The following MELK variants were observed in gnomAD, a reference collection of about 807,000 sequenced individuals.
MELK encodes the protein pEg3 kinase.
Under a neutral mutation model 85.0 loss-of-function variants are expected in MELK, and 81 were observed. The observed-to-expected ratio is 0.95, with a 90% CI of 0.80 to 1.15. The LOEUF (loss-of-function observed/expected upper bound fraction) is 1.15, where lower values mean the gene tolerates loss of function less well. Ranked by LOEUF, MELK falls within the 50% of genes most tolerant of loss-of-function variation. MELK has a pLI of 0.00. For missense variants in MELK, 754 were observed against 777.5 expected (o/e 0.97, Z 0.36); for synonymous variants, 252 against 265.0 (o/e 0.95, Z 0.48).
At chr9:36,582,823 G>A (rs920769574) in intron 2 of MELK, among the ~76,000 whole-genome samples, 1 of 152,140 alleles carries the variant, frequency 6.6e-6, no homozygotes, top group Admixed American at 6.6e-5. Context: ...GGAAAATGGA[G>A]TTGCCCTTTG....
intron 3 of MELK, among the ~76,000 whole-genome samples, chr9:36,586,019 A>G (rs1006979208): frequency 6.6e-6 from 1 of 152,078 alleles, no homozygotes; most frequent in African/African-American, 2.4e-5. Context: ...TTAATTGTTA[A>G]AGATATAAGT....
chr9:36,626,935 G>A (rs1290736567), intron 8 of MELK, among the ~76,000 whole-genome samples: 2 of 149,262 alleles, frequency 1.3e-5, no homozygotes, highest in Admixed American at 1.3e-4. Flanking sequence ...TCCAGCCTGG[G>A]CAACAAGAGT....
intron 11 of MELK, among the ~76,000 whole-genome samples, chr9:36,646,113 A>G (rs1391377735): frequency 1.3e-5 from 2 of 152,168 alleles, no homozygotes; most frequent in African/African-American, 4.8e-5. Context: ...ACATCCTTCA[A>G]TGCACAGAAG....
intron 8 of MELK, among the ~76,000 whole-genome samples, chr9:36,619,231 A>G (rs752221330): frequency 7.2e-5 from 11 of 152,204 alleles, no homozygotes; most frequent in Non-Finnish European, 1.6e-4. Flanking sequence ...AAGTGCTGAG[A>G]TTACAGGCAT....
intron 8 of MELK, among the ~76,000 whole-genome samples, chr9:36,621,319 T>TAAAAAAAAAAAAAAAA (rs1827425454): frequency 1.6e-5 from 1 of 61,216 alleles, no homozygotes; most frequent in East Asian, 4.5e-4. Context: ...AAAAAAAAAC[T>TAAAAAAAAAAAAAAAA]TGAGTAGAAC....
intron 8 of MELK, 81 bp from the exon 9 acceptor site, chr9:36,630,218 A>G (rs984866584): frequency 5.1e-5 from 52 of 1,027,158 alleles, no homozygotes; most frequent in Non-Finnish European, 7.6e-5. Context: ...GCTTAAAAGT[A>G]AACCTCCAGC....
Position 36,677,604 on chromosome 9 carries a change from C to T in MELK, c.*267C>T, listed in dbSNP as rs571337216. The T allele has an allele frequency of 2.7e-4, 70 of 262,084 alleles. No individual in the cohort carries two copies. Among genetic ancestry groups the T allele is most frequent in the African/African-American group, 1.3e-3 (60 of 45,420 alleles). 16.2% of individuals were successfully genotyped at this position (262,084 alleles called of 1,614,324 possible). A position where few individuals can be genotyped will look rare whatever the true frequency, so the allele number is the denominator to read the frequency against. Reference sequence around the variant, plus strand: ...TTGTTGACTTTCTTAGATTCACTTCCATATGTGAATGTAAGCTCTTAACTA... The same window carrying T: ...TTGTTGACTTTCTTAGATTCACTTCTATATGTGAATGTAAGCTCTTAACTA... On this transcript the variant is annotated 3_prime_UTR_variant, in exon 18 of 18. Coordinates refer to ENST00000298048, the MANE Select transcript of MELK (RefSeq NM_014791.4).
intron 10 of MELK, among the ~76,000 whole-genome samples, chr9:36,642,694 G>A (rs1829867906): frequency 6.6e-6 from 1 of 152,042 alleles, no homozygotes. Flanking sequence ...CTCCCAAAAT[G>A]CTAGAATTAC....
At chr9:36,630,168 A>C in intron 8 of MELK, 131 bp from the exon 9 acceptor site, 1 of 726,080 alleles carries the variant, frequency 1.4e-6, no homozygotes, top group African/African-American at 1.8e-5. Context: ...TTTTTAGTTA[A>C]TAATGTTTAC....
intron 11 of MELK, among the ~76,000 whole-genome samples, chr9:36,645,141 C>T (rs978778934): frequency 6.6e-6 from 1 of 151,460 alleles, no homozygotes; most frequent in African/African-American, 2.4e-5. Context: ...GCCTGTAATC[C>T]CAGCTACTCG....
rs1294997195 is a variant in MELK, at chr9:36,617,193, G to A, written c.666+9520G>A. ...TTGGTTTATGCAACTACCAACAGTA[G>A]CATAATAATGCCAGTTTCTCCATAC... is the stretch of plus-strand genomic sequence containing the variant. On this transcript the variant is annotated intron_variant, in intron 8 of 17. Transcript: ENST00000298048. 2.0e-5 allele frequency among the ~76,000 whole-genome samples: 3 copies of A among 152,108 alleles called. No individual in the cohort carries two copies. In the South Asian group the frequency reaches 6.2e-4, roughly 31 times the overall value.
intron 14 of MELK, among the ~76,000 whole-genome samples, chr9:36,667,877 C>T (rs1832535348): frequency 6.6e-6 from 1 of 152,132 alleles, no homozygotes. Flanking sequence ...AAGAGATTCT[C>T]CTGCCTCAGC....
chr9:36,615,982 A>G (rs1340982173), intron 8 of MELK, among the ~76,000 whole-genome samples: 4 of 152,066 alleles, frequency 2.6e-5, no homozygotes, highest in African/African-American at 9.7e-5. Flanking sequence ...CAATCTCGGC[A>G]CTTTGGGAGG....
In MELK at chr9:36,671,054, G is replaced by T. The variant is rs1261115725; in HGVS notation, c.1562G>T (p.Arg521Ile). Residue 521 changes from arginine (R) to isoleucine (I), a missense_variant, in exon 16 of 18, where the codon AGA becomes ATA. Arg to Ile is a moderately conservative substitution (Grantham distance 97, BLOSUM62 -3). Transcript: ENST00000298048. ...NQAHMEETPK[R>I]KGAKVFGSLE... ...GCACATATGGAGGAGACTCCAAAAAGAAAGGGAGCCAAAGTGTTTGGGAGC... is the reference window on the plus strand; with the variant it reads ...GCACATATGGAGGAGACTCCAAAAATAAAGGGAGCCAAAGTGTTTGGGAGC... 6.2e-7 allele frequency: 1 copy of T among 1,613,536 alleles called. No individual in the cohort carries two copies. The highest frequency in any genetic ancestry group is 1.7e-5 in the Admixed American group (1 of 59,948).
At position 36,642,418 on chromosome 9, in the gene MELK, C is replaced by CTTTTTTT. The variant is rs34671966; in HGVS notation, c.835-557_835-551dup. Among the ~76,000 whole-genome samples, 3 of 84,774 alleles carry CTTTTTTT rather than the reference C, an allele frequency of 3.5e-5. 1 individual carries two copies. The highest frequency in any genetic ancestry group is 1.0e-4 in the African/African-American group (2 of 19,590). The allele number at this position is 84,774 out of a possible 152,430, so 55.6% of individuals were successfully genotyped here. A position where few individuals can be genotyped will look rare whatever the true frequency, so the allele number is the denominator to read the frequency against. On this transcript the variant is annotated intron_variant, in intron 10 of 17. Transcript: ENST00000298048. ...ACAGTCCCTGGGCTGTACAACAGAA[C>CTTTTTTT]TTTTTTTTTTTTTTTTTTTTTTTTT... is the stretch of plus-strand genomic sequence containing the variant.
In MELK at chr9:36,616,949, A is replaced by G. The variant is rs201364898; in HGVS notation, c.666+9276A>G. Among the ~76,000 whole-genome samples, 39 of 150,770 alleles carry G rather than the reference A, an allele frequency of 2.6e-4. 1 individual carries two copies. The East Asian group carries it at 3.9e-3, about 15-fold the overall frequency. Reference sequence around the variant, plus strand: ...TTCATACCCACCTCAGAGCCTCTTCATTCTTTTTATGACTGCATAGAATTG... The same window carrying G: ...TTCATACCCACCTCAGAGCCTCTTCGTTCTTTTTATGACTGCATAGAATTG... On this transcript the variant is annotated intron_variant, in intron 8 of 17. Transcript: ENST00000298048.
At chr9:36,600,915 A>G (rs1435559311) in intron 7 of MELK, among the ~76,000 whole-genome samples, 2 of 152,202 alleles carry the variant, frequency 1.3e-5, no homozygotes, top group Non-Finnish European at 2.9e-5. Flanking sequence ...AACTTACAAG[A>G]TAGTGCAAGA....
chr9:36,619,351 G>A (rs528716375), intron 8 of MELK, among the ~76,000 whole-genome samples: 1 of 152,274 alleles, frequency 6.6e-6, no homozygotes, highest in East Asian at 1.9e-4. Context: ...TATTCTACCT[G>A]GAAATTACTT....
chr9:36,652,448 C>T (rs1830804786), intron 12 of MELK, among the ~76,000 whole-genome samples: 2 of 150,816 alleles, frequency 1.3e-5, no homozygotes, highest in South Asian at 4.2e-4. Context: ...ATGTTTAAGC[C>T]AGGCCGGGTG....
Sources: gnomAD v4.1 joint callset for allele counts (sites outside exome capture counted in the v4.1 genomes callset) on GRCh38, gnomAD v4.1.1 for gene constraint, MANE v1.5 for transcripts, NCBI Gene and HGNC (gene_info 2026-07-23, HGNC 2026-07-21) for gene names.